PRKCE: variants seen among roughly 807,000 people sequenced by gnomAD.
The protein encoded by PRKCE is protein kinase C epsilon type.
Under a neutral mutation model 85.4 loss-of-function variants are expected in PRKCE, and 16 were observed. That is an observed-to-expected ratio of 0.19 (90% CI 0.13 to 0.28). PRKCE has a LOEUF of 0.28. PRKCE is among the 10% of genes least tolerant of loss of function. The pLI, the probability that PRKCE is intolerant of heterozygous loss-of-function variation, is 1.00. For synonymous variants in PRKCE, 388 were observed against 371.5 expected (o/e 1.04, Z -0.51); for missense variants, 573 against 975.2 (o/e 0.59, Z 5.49).
At chr2:45,940,840 C>T (rs529570760) in intron 2 of PRKCE, among the ~76,000 whole-genome samples, 1 of 152,014 alleles carries the variant, frequency 6.6e-6, no homozygotes, top group Admixed American at 6.6e-5. Context: ...AGGCAGATCA[C>T]TTGAGGTCAG....
At chr2:45,789,060 C>G (rs535731507) in intron 1 of PRKCE, among the ~76,000 whole-genome samples, 2 of 152,086 alleles carry the variant, frequency 1.3e-5, no homozygotes, top group East Asian at 3.9e-4. Context: ...CCCACTTAGA[C>G]CCTCGCAAAA....
chr2:46,111,901 G>A (rs966932013), intron 11 of PRKCE, among the ~76,000 whole-genome samples: 2 of 152,152 alleles, frequency 1.3e-5, no homozygotes, highest in African/African-American at 4.8e-5. Context: ...TTCCAAAAAT[G>A]GCTGTACCAT....
chr2:46,132,493 A>G (rs1330984146), intron 11 of PRKCE, among the ~76,000 whole-genome samples: 1 of 152,154 alleles, frequency 6.6e-6, no homozygotes, highest in Non-Finnish European at 1.5e-5. Flanking sequence ...CACATGGAGA[A>G]ATGGAGGCTG....
rs908194144 is a variant in PRKCE at position 46,056,893 on chromosome 2, C to T, written c.1438-29315C>T. On this transcript the variant is annotated intron_variant, in intron 10 of 14. Transcript: ENST00000306156. ...CTCTGACTGATAGGGGAAACTTGGACCTGTTTGGATCACTATTGCTACAAA... is the reference window on the plus strand; with the variant it reads ...CTCTGACTGATAGGGGAAACTTGGATCTGTTTGGATCACTATTGCTACAAA... 3.9e-5 allele frequency among the ~76,000 whole-genome samples: 6 copies of T among 152,264 alleles called. No homozygotes were observed. The South Asian group carries it at 1.2e-3, about 32-fold the overall frequency.
chr2:45,931,142 G>A (rs1307522460), intron 2 of PRKCE, among the ~76,000 whole-genome samples: 1 of 152,184 alleles, frequency 6.6e-6, no homozygotes, highest in African/African-American at 2.4e-5. Flanking sequence ...GTTTAAGATT[G>A]CCTCTGGATT....
chr2:46,152,222 G>T (rs1184908495), intron 13 of PRKCE, among the ~76,000 whole-genome samples: 1 of 151,054 alleles, frequency 6.6e-6, no homozygotes, highest in African/African-American at 2.4e-5. Flanking sequence ...CACTGCAATG[G>T]CCAGGCTGGA....
intron 2 of PRKCE, among the ~76,000 whole-genome samples, chr2:45,970,328 A>G (rs1478249537): frequency 6.6e-6 from 1 of 152,202 alleles, no homozygotes; most frequent in East Asian, 1.9e-4. Context: ...TCAGTATCTT[A>G]TGAAAATTTT....
chr2:45,751,809 A>ATTTTTTTTTTTTTTTTTT (rs34589907), intron 1 of PRKCE, among the ~76,000 whole-genome samples: 2 of 78,506 alleles, frequency 2.5e-5, no homozygotes, highest in African/African-American at 5.7e-5. Context: ...GCTAACCACT[A>ATTTTTTTTTTTTTTTTTT]TTTTTTTTTT....
At chr2:45,873,269 CA>C (rs1694231210) in intron 2 of PRKCE, among the ~76,000 whole-genome samples, 1 of 152,118 alleles carries the variant, frequency 6.6e-6, no homozygotes, top group African/African-American at 2.4e-5. Flanking sequence ...AGAAACTGAG[CA>C]AAAGCATTTA....
chr2:45,776,615 T>C (rs556683624), intron 1 of PRKCE, among the ~76,000 whole-genome samples: 24 of 152,324 alleles, frequency 1.6e-4, no homozygotes, highest in South Asian at 1.5e-3. Context: ...AATCAAGACC[T>C]GCCTGTGAGA....
intron 8 of PRKCE, among the ~76,000 whole-genome samples, chr2:46,006,391 G>C (rs1705202625): frequency 6.6e-6 from 1 of 152,182 alleles, no homozygotes; most frequent in African/African-American, 2.4e-5. Flanking sequence ...AGACTCAGCA[G>C]CTTTCCCCGT....
chr2:45,766,411 T>A (rs1381511367), intron 1 of PRKCE, among the ~76,000 whole-genome samples: 5 of 152,198 alleles, frequency 3.3e-5, no homozygotes, highest in Non-Finnish European at 1.5e-5. Context: ...CTGTGGCCAC[T>A]TGAGGGTTGG....
chr2:46,146,536 C>T (rs957105302), intron 12 of PRKCE, among the ~76,000 whole-genome samples: 2 of 152,162 alleles, frequency 1.3e-5, no homozygotes, highest in African/African-American at 4.8e-5. Context: ...TCTTGGAGCA[C>T]CTGGTGGATG....
intron 2 of PRKCE, among the ~76,000 whole-genome samples, chr2:45,893,672 C>G (rs1695908785): frequency 2.0e-5 from 3 of 152,090 alleles, no homozygotes; most frequent in African/African-American, 7.2e-5. Flanking sequence ...TGGCTCATGT[C>G]TTTCTGCTTG....
intron 2 of PRKCE, among the ~76,000 whole-genome samples, chr2:45,848,005 C>T (rs919569756): frequency 1.3e-5 from 2 of 152,220 alleles, no homozygotes; most frequent in African/African-American, 2.4e-5. Context: ...ATTCTTCCTA[C>T]TGACCTGCCC....
chr2:46,007,685 C>T (rs1179784536), intron 9 of PRKCE, 24 bp downstream of exon 9: 1 of 1,596,068 alleles, frequency 6.3e-7, no homozygotes, highest in Admixed American at 1.7e-5. Flanking sequence ...ACGGGTGGAA[C>T]TGCTGGTTTT....
At chr2:45,839,539 G>A (rs550924011) in intron 1 of PRKCE, among the ~76,000 whole-genome samples, 1 of 152,336 alleles carries the variant, frequency 6.6e-6, no homozygotes, top group Admixed American at 6.5e-5. Flanking sequence ...ACTAACCCTG[G>A]GAATGGCTGG....
chr2:45,780,036 C>T (rs1686059413), intron 1 of PRKCE, among the ~76,000 whole-genome samples: 1 of 147,726 alleles, frequency 6.8e-6, no homozygotes, highest in Non-Finnish European at 1.5e-5. Flanking sequence ...TCATACATTG[C>T]ATCTGTAAAT....
intron 1 of PRKCE, among the ~76,000 whole-genome samples, chr2:45,831,428 T>A (rs936845712): frequency 1.3e-5 from 2 of 152,150 alleles, no homozygotes; most frequent in African/African-American, 4.8e-5. Context: ...AGGCAGAGGA[T>A]GGGGAATGCT....
Sources: allele counts gnomAD v4.1 joint callset (sites outside exome capture counted in the v4.1 genomes callset), GRCh38; gene constraint gnomAD v4.1.1; transcripts MANE v1.5; gene names NCBI Gene and HGNC (gene_info 2026-07-23, HGNC 2026-07-21).